The following CFAP57 variants were observed in gnomAD, a reference collection of about 807,000 sequenced individuals.
CFAP57 encodes the protein cilia and flagella associated protein 57, also known as cilia- and flagella-associated protein 57.
A neutral mutation model predicts 146.8 loss-of-function variants in CFAP57; 116 were observed. The observed-to-expected ratio is 0.79, with a 90% CI of 0.68 to 0.92. The LOEUF (loss-of-function observed/expected upper bound fraction) is 0.92, where lower values mean the gene tolerates loss of function less well. Ranked by LOEUF, CFAP57 falls within the 40% of genes least tolerant of loss-of-function variation. The pLI, the probability that CFAP57 is intolerant of heterozygous loss-of-function variation, is 0.00. For synonymous variants in CFAP57, 518 were observed against 552.8 expected (o/e 0.94, Z 0.88); for missense variants, 1,377 against 1,527.2 (o/e 0.90, Z 1.64).
intron 11 of CFAP57, chr1:43,210,573 C>T (rs957993613): frequency 3.4e-6 from 1 of 293,676 alleles, no homozygotes; most frequent in Non-Finnish European, 5.3e-6. Context: ...AGGCCAACCA[C>T]AAAAAGATAA....
rs953413793 is a variant in CFAP57 at position 43,238,874 on chromosome 1, C to T, written c.3405+4236C>T. ...CAGCTCTACCACTGAGATACGGCCT[C>T]AGTTTCCTCACAAGGTTGGTGTAAG... On this transcript the variant is annotated intron_variant, in intron 21 of 22. Coordinates refer to ENST00000372492, the MANE Select transcript of CFAP57 (RefSeq NM_001378189.1). This position sits in a 1 kb window ranked among gnomAD's most constrained non-coding sequence, Gnocchi z 4.3. Among the ~76,000 whole-genome samples, 1 of 152,112 alleles carries T rather than the reference C, an allele frequency of 6.6e-6. No individual in the cohort carries two copies. Among genetic ancestry groups the T allele is most frequent in the Non-Finnish European group, 1.5e-5 (1 of 68,030 alleles).
intron 2 of CFAP57, among the ~76,000 whole-genome samples, chr1:43,176,575 T>G (rs183461025): frequency 1.3e-5 from 2 of 152,298 alleles, no homozygotes; most frequent in Admixed American, 6.5e-5. Context: ...TCAACAAAAA[T>G]GTATTAAGTA....
chr1:43,191,694 C>T (rs1459167561), intron 6 of CFAP57, among the ~76,000 whole-genome samples: 3 of 147,376 alleles, frequency 2.0e-5, no homozygotes, highest in Non-Finnish European at 4.5e-5. Context: ...AATCAGCTTT[C>T]GGTTTCATTG....
At chr1:43,179,562 C>G (rs1645306323) in intron 2 of CFAP57, among the ~76,000 whole-genome samples, 1 of 152,108 alleles carries the variant, frequency 6.6e-6, no homozygotes, top group South Asian at 2.1e-4. Context: ...GATGCTATAC[C>G]AGGTAGGAAC....
intron 12 of CFAP57, among the ~76,000 whole-genome samples, chr1:43,218,525 T>G (rs1644921899): frequency 6.6e-6 from 1 of 151,920 alleles, no homozygotes; most frequent in Non-Finnish European, 1.5e-5. Context: ...GGAGGATCAC[T>G]TGAGCCCAGG....
At chr1:43,193,572 T>C (rs903135575) in intron 6 of CFAP57, among the ~76,000 whole-genome samples, 1 of 152,132 alleles carries the variant, frequency 6.6e-6, no homozygotes, top group Non-Finnish European at 1.5e-5. Flanking sequence ...TTCAGTTTGA[T>C]TCAATTTCAT....
At chr1:43,235,934 C>T (rs140543051) in intron 21 of CFAP57, among the ~76,000 whole-genome samples, 3 of 152,170 alleles carry the variant, frequency 2.0e-5, no homozygotes, top group South Asian at 2.1e-4. Context: ...AAGCAAACAT[C>T]GATGTAGGAG....
Position 43,172,442 on chromosome 1 carries a change from G to C in CFAP57, c.-31G>C. 2 of 1,549,176 alleles carry C rather than the reference G, an allele frequency of 1.3e-6. No individual in the cohort carries two copies. The highest frequency in any genetic ancestry group is 2.4e-5 in the South Asian group (2 of 84,000). On this transcript the variant is annotated 5_prime_UTR_variant, in exon 1 of 23. Transcript: ENST00000372492. Reference sequence around the variant, plus strand: ...TACATGCGTGGTCTGCTGACCCAGAGAGAAACGAAAGGTGGGAGGGGGTAC... The same window carrying C: ...TACATGCGTGGTCTGCTGACCCAGACAGAAACGAAAGGTGGGAGGGGGTAC...
chr1:43,241,123 C>T (rs761411989), intron 21 of CFAP57, among the ~76,000 whole-genome samples: 15 of 152,192 alleles, frequency 9.9e-5, no homozygotes, highest in African/African-American at 2.7e-4. Flanking sequence ...TGTGAGCCAC[C>T]GTGCCCAGCC....
At chr1:43,220,241 C>T (rs774825849) in intron 13 of CFAP57, among the ~76,000 whole-genome samples, 8 of 151,792 alleles carry the variant, frequency 5.3e-5, no homozygotes, top group Admixed American at 5.2e-4. Flanking sequence ...TATTTTAAAA[C>T]AAAATGAAAC....
At chr1:43,229,273 C>T (rs1329830741) in intron 18 of CFAP57, among the ~76,000 whole-genome samples, 1 of 148,972 alleles carries the variant, frequency 6.7e-6, no homozygotes, top group Non-Finnish European at 1.5e-5. Flanking sequence ...CTGGGGGGAC[C>T]ATTCATCTTC....
chr1:43,238,803 G>A lies in CFAP57; in HGVS notation c.3405+4165G>A, dbSNP rs1048698355. On this transcript the variant is annotated intron_variant, in intron 21 of 22. Transcript: ENST00000372492. This position sits in a 1 kb window ranked among gnomAD's most constrained non-coding sequence, Gnocchi z 4.3. ...GCAGAGCCTGGAAAGCAGTAGTCAC[G>A]GAGGAGCAGGGCTCTCTGGATGGAG... Among the ~76,000 whole-genome samples the A allele has an allele frequency of 6.6e-6, 1 of 152,186 alleles. No homozygotes were observed. Among genetic ancestry groups the A allele is most frequent in the African/African-American group, 2.4e-5 (1 of 41,510 alleles).
chr1:43,180,875 A>G (rs1015626864), intron 2 of CFAP57, among the ~76,000 whole-genome samples: 1 of 151,872 alleles, frequency 6.6e-6, no homozygotes, highest in African/African-American at 2.4e-5. Context: ...ATCTTTGGTC[A>G]CCCCATCTCA....
intron 19 of CFAP57, among the ~76,000 whole-genome samples, chr1:43,234,002 A>G (rs1443001304): frequency 1.3e-5 from 2 of 152,162 alleles, no homozygotes; most frequent in East Asian, 1.9e-4. Context: ...GAGTCAATAA[A>G]GGAGCCCATC....
intron 15 of CFAP57, 50 bp downstream of exon 15, chr1:43,222,345 C>T: frequency 1.5e-6 from 2 of 1,378,294 alleles, no homozygotes; most frequent in Non-Finnish European, 1.9e-6. Flanking sequence ...GAAAAGCCAC[C>T]CATTCACTCA....
At chr1:43,203,945 C>G (rs1644243951) in intron 9 of CFAP57, among the ~76,000 whole-genome samples, 1 of 152,194 alleles carries the variant, frequency 6.6e-6, no homozygotes, top group African/African-American at 2.4e-5. Context: ...TCTCTCTTCT[C>G]CTAGTGCTCT....
At chr1:43,233,780 A>G (rs936310530) in intron 19 of CFAP57, among the ~76,000 whole-genome samples, 8 of 152,214 alleles carry the variant, frequency 5.3e-5, no homozygotes, top group African/African-American at 1.7e-4. Context: ...CACTAGCCCA[A>G]CTGTGTAGAT....
intron 22 of CFAP57, among the ~76,000 whole-genome samples, chr1:43,245,144 A>C (rs1000825543): frequency 6.6e-5 from 10 of 151,924 alleles, no homozygotes; most frequent in Non-Finnish European, 1.5e-4. Context: ...CCACATCTCT[A>C]CAAAAAATAC....
At chr1:43,227,700 G>A (rs553939875) in intron 18 of CFAP57, among the ~76,000 whole-genome samples, 6 of 152,218 alleles carry the variant, frequency 3.9e-5, no homozygotes, top group African/African-American at 1.2e-4. Context: ...ATCCTGTGAG[G>A]TCCCCCATGC....
Sources: gnomAD v4.1 joint callset for allele counts (sites outside exome capture counted in the v4.1 genomes callset) on GRCh38, gnomAD v4.1.1 for gene constraint, Gnocchi (gnomAD v3.1) non-coding constraint, MANE v1.5 for transcripts, NCBI Gene and HGNC (gene_info 2026-07-23, HGNC 2026-07-21) for gene names.